TTC6: variants seen among roughly 807,000 people sequenced by gnomAD.
TTC6 encodes the protein tetratricopeptide repeat protein 6.
A neutral mutation model predicts 210.4 loss-of-function variants in TTC6; 172 were observed. That is an observed-to-expected ratio of 0.82 (90% CI 0.72 to 0.93). The LOEUF is 0.93. TTC6 is among the 40% of genes least tolerant of loss of function. The pLI is 0.00. For synonymous variants in TTC6, 804 were observed against 819.6 expected (o/e 0.98, Z 0.32); for missense variants, 2,414 against 2,318.1 (o/e 1.04, Z -0.85).
chr14:37,597,718 C>T (rs1395297803), intron 1 of TTC6, among the ~76,000 whole-genome samples: 1 of 152,124 alleles, frequency 6.6e-6, no homozygotes, highest in Non-Finnish European at 1.5e-5. Flanking sequence ...GGGGGATTTC[C>T]ACGAAAACAG....
intron 1 of TTC6, among the ~76,000 whole-genome samples, chr14:37,645,555 C>T (rs987469431): frequency 1.3e-5 from 2 of 152,104 alleles, no homozygotes. Context: ...AAGCGAGAGA[C>T]ATTTAAGTAA....
At chr14:37,720,208 G>C (rs1231051909) in intron 6 of TTC6, among the ~76,000 whole-genome samples, 1 of 152,112 alleles carries the variant, frequency 6.6e-6, no homozygotes, top group Non-Finnish European at 1.5e-5. Context: ...AAGTGGAGGA[G>C]AAATAGGATC....
chr14:37,817,508 TAGAA>T, intron 25 of TTC6, 66 bp from the exon 28 acceptor site: 1 of 1,356,910 alleles, frequency 7.4e-7, no homozygotes, highest in Non-Finnish European at 1.0e-6. Flanking sequence ...GAATCACAGT[TAGAA>T]GGAAGTTTAA....
intron 18 of TTC6, 62 bp downstream of exon 20, chr14:37,795,414 A>T (rs1319376862): frequency 1.7e-5 from 19 of 1,137,974 alleles, no homozygotes; most frequent in Non-Finnish European, 2.2e-5. Flanking sequence ...TTGAATGGGG[A>T]TCTTCAGTTC....
upstream of TTC6, among the ~76,000 whole-genome samples, chr14:37,620,135 G>C (rs1480531385): frequency 2.6e-5 from 4 of 151,950 alleles, no homozygotes; most frequent in African/African-American, 9.7e-5. Context: ...TAAGGACAGG[G>C]GCTCTGTTGC....
Position 37,790,848 on chromosome 14 carries a change from C to A in TTC6, c.3557+11C>A, listed in dbSNP as rs2096077688. 1 of 1,514,100 alleles carries A rather than the reference C, an allele frequency of 6.6e-7. No homozygotes were observed. Among genetic ancestry groups the A allele is most frequent in the Non-Finnish European group, 8.8e-7 (1 of 1,141,134 alleles). The allele number at this position is 1,514,100 out of a possible 1,614,324, so 93.8% of individuals were successfully genotyped here. On this transcript the variant is annotated intron_variant, in intron 16 of 30. Transcript: ENST00000553443. ...CATTTCTCTAGAAAGGTATGTTTTCCTTTTCATATTTATTGATTTCAGTTT... is the reference window on the plus strand; with the variant it reads ...CATTTCTCTAGAAAGGTATGTTTTCATTTTCATATTTATTGATTTCAGTTT...
chr14:37,740,508 T>G (rs2138958141), intron 10 of TTC6, among the ~76,000 whole-genome samples: 1 of 152,338 alleles, frequency 6.6e-6, no homozygotes, highest in African/African-American at 2.4e-5. Context: ...ACTTTATAGT[T>G]ATAAAGACTT....
chr14:37,687,135 GC>G (rs2095795565), intron 3 of TTC6, among the ~76,000 whole-genome samples: 2 of 152,132 alleles, frequency 1.3e-5, no homozygotes, highest in African/African-American at 4.8e-5. Flanking sequence ...CCCGTTGGCA[GC>G]AGAGGGGTGG....
chr14:37,817,629 G>A (rs138630691), exon 26 of TTC6: 73 of 1,613,966 alleles, frequency 4.5e-5, no homozygotes, highest in South Asian at 1.4e-4. Flanking sequence ...CCTTTGTCAC[G>A]CCACTGCCAT....
At chr14:37,734,541 AT>A (rs1228295465) in intron 7 of TTC6, among the ~76,000 whole-genome samples, 2 of 152,164 alleles carry the variant, frequency 1.3e-5, no homozygotes, top group Non-Finnish European at 2.9e-5. Flanking sequence ...TGTTTTTCAA[AT>A]TATATGTAGC....
At chr14:37,808,699 T>C (rs764233734) in intron 23 of TTC6, 34 bp from the exon 26 acceptor site, 154 of 1,093,494 alleles carry the variant, frequency 1.4e-4, no homozygotes, top group Non-Finnish European at 1.9e-4. Flanking sequence ...CATTATGATT[T>C]TCCTTTCTCA....
At chr14:37,637,656 A>G (rs2095683617) in intron 1 of TTC6, among the ~76,000 whole-genome samples, 1 of 152,204 alleles carries the variant, frequency 6.6e-6, no homozygotes, top group Non-Finnish European at 1.5e-5. Context: ...AGAGAAAAAA[A>G]TAGGCAAAAG....
rs561789252 is a variant in TTC6 at position 37,711,865 on chromosome 14, G to A, written c.1572-2790G>A. 1.3e-3 allele frequency among the ~76,000 whole-genome samples: 195 copies of A among 152,238 alleles called. 2 individuals are homozygous for A. The highest frequency in any genetic ancestry group is 3.9e-3 in the African/African-American group (160 of 41,546). The stretch of plus-strand genomic sequence containing the variant: ...GTGAACAGGAGAGACATCATGGAGG[G>A]AGAATGAACAGAAATAGTCATTACT... On this transcript the variant is annotated intron_variant, in intron 5 of 30. Transcript: ENST00000553443.
intron 24 of TTC6, among the ~76,000 whole-genome samples, chr14:37,810,805 A>G (rs1462611410): frequency 3.3e-5 from 5 of 152,202 alleles, no homozygotes; most frequent in Non-Finnish European, 1.5e-5. Flanking sequence ...CTAAGGGAAG[A>G]TCAATTCTGG....
At chr14:37,749,976 C>A in intron 12 of TTC6, 133 bp downstream of exon 14, 1 of 536,528 alleles carries the variant, frequency 1.9e-6, no homozygotes, top group Non-Finnish European at 2.7e-6. Flanking sequence ...AATTTTTTTA[C>A]TCTTGTTATT....
At chr14:37,624,587 G>A (rs1315580158) in intron 1 of TTC6, among the ~76,000 whole-genome samples, 1 of 152,118 alleles carries the variant, frequency 6.6e-6, no homozygotes, top group Admixed American at 6.6e-5. Context: ...ACATTGCAGT[G>A]TATTCAGCTC....
chr14:37,684,475 A>G (rs1305336151), intron 3 of TTC6, among the ~76,000 whole-genome samples: 1 of 152,172 alleles, frequency 6.6e-6, no homozygotes, highest in African/African-American at 2.4e-5. Flanking sequence ...GGATGTTTCT[A>G]AGAAGCATTC....
chr14:37,686,917 T>G (rs944059623), intron 3 of TTC6, among the ~76,000 whole-genome samples: 1 of 152,172 alleles, frequency 6.6e-6, no homozygotes, highest in Non-Finnish European at 1.5e-5. Flanking sequence ...ACTTGCTGAT[T>G]GAATTTGTAG....
At chr14:37,796,297 A>G in exon 19 of TTC6, 2 of 1,264,084 alleles carry the variant, frequency 1.6e-6, no homozygotes, top group South Asian at 1.4e-5. Flanking sequence ...CTTCCAGAGG[A>G]CAATATCTTC....
Sources: gnomAD v4.1 joint callset for allele counts (sites outside exome capture counted in the v4.1 genomes callset) on GRCh38, gnomAD v4.1.1 for gene constraint, MANE v1.5 for transcripts, NCBI Gene and HGNC (gene_info 2026-07-23, HGNC 2026-07-21) for gene names.